POLQ: variants seen among roughly 807,000 people sequenced by gnomAD.
POLQ encodes epididymis secretory sperm binding protein.
A neutral mutation model predicts 259.2 loss-of-function variants in POLQ; 233 were observed. The observed-to-expected ratio is 0.90, with a 90% CI of 0.81 to 1.00. The LOEUF is 1.00. POLQ is among the 50% of genes least tolerant of loss of function. The pLI is 0.00. For missense variants in POLQ, 2,871 were observed against 3,051.6 expected (o/e 0.94, Z 1.39); for synonymous variants, 1,025 against 1,048.8 (o/e 0.98, Z 0.44).
intron 14 of POLQ, chr3:121,494,887 A>C: frequency 6.4e-7 from 1 of 1,572,448 alleles, no homozygotes. Flanking sequence ...AGGCTAAAGA[A>C]CTTGCCACTA....
intron 9 of POLQ, 64 bp from the exon 10 acceptor site, chr3:121,512,093 G>C: frequency 2.2e-6 from 3 of 1,390,642 alleles, no homozygotes; most frequent in Non-Finnish European, 3.0e-6. Flanking sequence ...CTGCTAAAGA[G>C]ATTTTAAGTT....
At chr3:121,454,609 A>T (rs1198506113) in intron 25 of POLQ, among the ~76,000 whole-genome samples, 2 of 152,144 alleles carry the variant, frequency 1.3e-5, no homozygotes, top group Admixed American at 1.3e-4. Context: ...CAGACTTTAA[A>T]CCAACAAAGA....
In POLQ at chr3:121,483,555, G is replaced by C. The variant is rs748852771; in HGVS notation, c.5801C>G (p.Ser1934Cys). 4.7e-6 allele frequency: 7 copies of C among 1,490,528 alleles called. No homozygotes were observed. In the South Asian group the frequency reaches 9.9e-5, roughly 21 times the overall value. 92.3% of individuals were successfully genotyped at this position (1,490,528 alleles called of 1,614,324 possible). ...TTTCAAAGTCAGGCTTGGATCTAAA[G>C]AAGGTGGAACCAAACTGGCACTAAT... ...SEISASLVPP[S>C]LDPSLTLKDR... The change falls in exon 18 of 30, where the codon TCT (serine) becomes TGT (cysteine). Residue 1934 changes from serine to cysteine, a missense_variant. This residue lies in a region of POLQ where 2,080 missense variants were observed against 2,126.0 expected (regional missense o/e 0.98). Transcript: ENST00000264233.
chr3:121,499,506 C>G (rs915641558), intron 12 of POLQ, among the ~76,000 whole-genome samples: 8 of 152,108 alleles, frequency 5.3e-5, no homozygotes, highest in African/African-American at 1.9e-4. Flanking sequence ...TCTCCTGCCT[C>G]AGACTCTCAA....
chr3:121,451,552 G>A lies in POLQ; in HGVS notation c.7153-2126C>T, dbSNP rs189185740. 1.9e-4 allele frequency among the ~76,000 whole-genome samples: 29 copies of A among 152,278 alleles called. No individual in the cohort carries two copies. In the East Asian group the frequency reaches 5.2e-3, roughly 27 times the overall value. ...GTCTGTTGGAGTTTGCTGGAGGTCC[G>A]CTCCAGACTCTGTTTGCCTCGGTAT... On this transcript the variant is annotated intron_variant, in intron 25 of 29. Transcript: ENST00000264233.
rs149821905 is a variant in POLQ at position 121,480,832 on chromosome 3, A to AT, written c.6211+739dup. Reference sequence around the variant, plus strand: ...TAGTTTGCCCAAAGTCCCTCAGCTCATAAGTGGATAACCCAGATCCAAACC... The same window carrying AT: ...TAGTTTGCCCAAAGTCCCTCAGCTCATTAAGTGGATAACCCAGATCCAAACC... On this transcript the variant is annotated intron_variant, in intron 19 of 29. Transcript: ENST00000264233. 9.0e-3 allele frequency among the ~76,000 whole-genome samples: 1,373 copies of AT among 152,290 alleles called. 19 individuals carry two copies. The highest frequency in any genetic ancestry group is 0.031 in the African/African-American group (1,300 of 41,562).
intron 26 of POLQ, among the ~76,000 whole-genome samples, chr3:121,445,681 G>A (rs755403013): frequency 3.9e-5 from 6 of 152,008 alleles, no homozygotes; most frequent in Non-Finnish European, 8.8e-5. Context: ...TGGCCAACAT[G>A]GCAAAACTCT....
intron 26 of POLQ, among the ~76,000 whole-genome samples, chr3:121,443,369 C>A (rs2047609044): frequency 6.6e-6 from 1 of 152,220 alleles, no homozygotes; most frequent in Non-Finnish European, 1.5e-5. Context: ...ATGTTGAGCA[C>A]CTTTTCATAA....
intron 27 of POLQ, among the ~76,000 whole-genome samples, chr3:121,437,634 G>A (rs1248181479): frequency 6.6e-6 from 1 of 152,078 alleles, no homozygotes; most frequent in Non-Finnish European, 1.5e-5. Flanking sequence ...AAAACAATTT[G>A]GCTTTATCTA....
At chr3:121,512,583 T>A (rs1247231020) in intron 9 of POLQ, among the ~76,000 whole-genome samples, 1 of 152,196 alleles carries the variant, frequency 6.6e-6, no homozygotes, top group East Asian at 1.9e-4. Context: ...AGACCCCAGG[T>A]TAAACAGTTT....
chr3:121,483,652 C>T, intron 17 of POLQ, 70 bp from the exon 18 acceptor site: 1 of 1,188,092 alleles, frequency 8.4e-7, no homozygotes. Flanking sequence ...TTTGAAGCAG[C>T]AATCTTTAGT....
At chr3:121,452,219 G>A (rs1216578367) in intron 25 of POLQ, among the ~76,000 whole-genome samples, 1 of 152,134 alleles carries the variant, frequency 6.6e-6, no homozygotes, top group Non-Finnish European at 1.5e-5. Flanking sequence ...GGAATTCCCT[G>A]ACCCCTTGTG....
chr3:121,545,913 G>A lies in POLQ; in HGVS notation c.-36C>T. 6.2e-7 allele frequency: 1 copy of A among 1,611,510 alleles called. No individual in the cohort carries two copies. The highest frequency in any genetic ancestry group is 1.1e-5 in the South Asian group (1 of 90,732). ...TCTCGGCCGATCAGGGCAAGCCACA[G>A]TCCCAGCGTCCTCCCTCTCGGGAGA... On this transcript the variant is annotated 5_prime_UTR_variant, in exon 1 of 30. Transcript: ENST00000264233.
At chr3:121,453,402 C>T (rs931538286) in intron 25 of POLQ, among the ~76,000 whole-genome samples, 11 of 152,164 alleles carry the variant, frequency 7.2e-5, no homozygotes, top group Non-Finnish European at 1.5e-4. Context: ...ATGACTTTGA[C>T]GAGTTGAGAG....
At position 121,487,302 on chromosome 3, in the gene POLQ, C is replaced by G; in HGVS notation, c.5629G>C (p.Ala1877Pro). ...AAAATAAAATTAAAAAAATTCTTACCTTGCTTAAACCTACTGCCAATAGTA... is the reference window on the plus strand; with the variant it reads ...AAAATAAAATTAAAAAAATTCTTACGTTGCTTAAACCTACTGCCAATAGTA... Reference protein sequence around the residue: ...TATIGSRFKQASSPQEIPIRD... With the variant: ...TATIGSRFKQPSSPQEIPIRD... Residue 1877 changes from alanine to proline, a missense_variant and splice_region_variant, in exon 16 of 30, where the codon GCT becomes CCT. By Grantham distance (27) the Ala-to-Pro change is conservative (BLOSUM62 -1). Around this residue, in one of 3 missense-constraint regions of POLQ, gnomAD observed 2,080 missense variants for 2,126.0 expected, o/e 0.98. Transcript: ENST00000264233. The G allele has an allele frequency of 6.5e-7, 1 of 1,527,384 alleles. No individual in the cohort carries two copies. The allele number at this position is 1,527,384 out of a possible 1,614,324, so 94.6% of individuals were successfully genotyped here. A position where few individuals can be genotyped will look rare whatever the true frequency, so the allele number is the denominator to read the frequency against.
chr3:121,500,638 GA>G (rs2048160218), intron 12 of POLQ, among the ~76,000 whole-genome samples: 2 of 152,082 alleles, frequency 1.3e-5, no homozygotes, highest in African/African-American at 4.8e-5. Context: ...AGATAGAAAG[GA>G]AAAGGAAAAT....
At chr3:121,510,823 C>T (rs1199468111) in intron 10 of POLQ, among the ~76,000 whole-genome samples, 4 of 151,762 alleles carry the variant, frequency 2.6e-5, no homozygotes, top group Admixed American at 6.6e-5. Context: ...CGGTGGCTCA[C>T]GCCTGTAATC....
intron 11 of POLQ, 122 bp from the exon 12 acceptor site, chr3:121,509,825 T>C: frequency 1.0e-6 from 1 of 984,958 alleles, no homozygotes; most frequent in Non-Finnish European, 1.5e-6. Flanking sequence ...AATAGTACCT[T>C]ATCCAGAGCA....
chr3:121,528,374 G>A (rs373490324), intron 7 of POLQ, among the ~76,000 whole-genome samples: 16 of 146,814 alleles, frequency 1.1e-4, no homozygotes, highest in South Asian at 1.1e-3. Flanking sequence ...ATGGAGTTTC[G>A]CTCTTGTTGC....
Sources: gnomAD v4.1 joint callset for allele counts (sites outside exome capture counted in the v4.1 genomes callset) on GRCh38, gnomAD v4.1.1 for gene constraint, gnomAD v4.1.1 regional missense constraint, MANE v1.5 for transcripts, NCBI Gene and HGNC (gene_info 2026-07-23, HGNC 2026-07-21) for gene names.